The following MECOM variants were observed in gnomAD, a reference collection of about 807,000 sequenced individuals.
The protein encoded by MECOM is MDS1 and EVI1 complex locus.
MECOM carries 13 observed loss-of-function variants against 116.3 expected under a neutral mutation model. The ratio of observed to expected loss-of-function variants is 0.11; its 90% CI spans 0.07 to 0.18. MECOM has a LOEUF of 0.18. Among genes scored for constraint, MECOM ranks in the 10% least tolerant of loss-of-function variants. MECOM has a pLI of 1.00. For synonymous variants in MECOM, 528 were observed against 535.2 expected (o/e 0.99, Z 0.19); for missense variants, 1,299 against 1,509.0 (o/e 0.86, Z 2.31).
rs151292211 is a variant in MECOM, at chr3:169,300,263, T to C, written c.375+80924A>G. Among the ~76,000 whole-genome samples, 686 of 152,290 alleles carry C rather than the reference T, an allele frequency of 4.5e-3. 5 individuals carry two copies. Among genetic ancestry groups the C allele is most frequent in the African/African-American group, 0.016 (645 of 41,562 alleles). ...TAAAGAGAATGCAAGCCACTAAAGA[T>C]TGAATTTCTGCTCTCACAGTAAGAA... is the stretch of plus-strand genomic sequence containing the variant. On this transcript the variant is annotated intron_variant, in intron 2 of 16. Transcript: ENST00000651503.
Position 169,115,436 on chromosome 3 carries a change from A to C in MECOM, c.2436T>G (p.Asp812Glu). The C allele has an allele frequency of 6.2e-7, 1 of 1,614,234 alleles. No individual in the cohort carries two copies. ...GSNVESRPAS[D>E]GSLQHARPTP... ...TGGGTCTTGCATGCTGCAAGGAACC[A>C]TCTGAAGCAGGTCTTGATTCGACGT... Residue 812 changes from aspartate (D) to glutamate (E), a missense_variant, in exon 8 of 17, where the codon GAT (aspartate) becomes GAG (glutamate). Physicochemically the swap from Asp to Glu is conservative, Grantham distance 45. Coordinates refer to ENST00000651503, the MANE Select transcript of MECOM (RefSeq NM_004991.4).
At chr3:169,366,141 A>G (rs1306246175) in intron 2 of MECOM, among the ~76,000 whole-genome samples, 1 of 151,980 alleles carries the variant, frequency 6.6e-6, no homozygotes, top group Non-Finnish European at 1.5e-5. Context: ...GAGGTCTGGA[A>G]TGACCTTCAG....
At chr3:169,619,402 G>C (rs1403219451) in intron 1 of MECOM, among the ~76,000 whole-genome samples, 1 of 152,178 alleles carries the variant, frequency 6.6e-6, no homozygotes, top group African/African-American at 2.4e-5. Flanking sequence ...AGGAAGGAGA[G>C]CCCTGGATGC....
chr3:169,451,351 C>T (rs531874725), intron 1 of MECOM, among the ~76,000 whole-genome samples: 9 of 151,748 alleles, frequency 5.9e-5, no homozygotes, highest in African/African-American at 1.7e-4. Flanking sequence ...ATAAAAAGAA[C>T]TCTACTTGTA....
chr3:169,498,968 G>A (rs1578271122), intron 1 of MECOM, among the ~76,000 whole-genome samples: 1 of 152,030 alleles, frequency 6.6e-6, no homozygotes, highest in South Asian at 2.1e-4. Flanking sequence ...ATGGTCTAAA[G>A]AATAAACTGC....
At chr3:169,451,166 T>G (rs1037419498) in intron 1 of MECOM, among the ~76,000 whole-genome samples, 2 of 152,020 alleles carry the variant, frequency 1.3e-5, no homozygotes, top group African/African-American at 2.4e-5. Context: ...TCTATGCATG[T>G]GTGTGTGAGA....
intron 1 of MECOM, among the ~76,000 whole-genome samples, chr3:169,584,879 A>C (rs1765600108): frequency 6.6e-6 from 1 of 152,216 alleles, no homozygotes; most frequent in Non-Finnish European, 1.5e-5. Flanking sequence ...AAAAGTACTA[A>C]GAGGATGAAA....
chr3:169,602,061 T>C (rs1207130041), intron 1 of MECOM, among the ~76,000 whole-genome samples: 1 of 152,222 alleles, frequency 6.6e-6, no homozygotes, highest in Non-Finnish European at 1.5e-5. Flanking sequence ...AGTATGCTAA[T>C]GCATACTAGT....
At chr3:169,249,636 A>C (rs1279332131) in intron 2 of MECOM, among the ~76,000 whole-genome samples, 1 of 152,230 alleles carries the variant, frequency 6.6e-6, no homozygotes, top group Non-Finnish European at 1.5e-5. Context: ...GATACAGTCT[A>C]GATTGCCTTG....
intron 2 of MECOM, among the ~76,000 whole-genome samples, chr3:169,228,932 C>T (rs1016222706): frequency 1.3e-5 from 2 of 152,202 alleles, no homozygotes; most frequent in African/African-American, 4.8e-5. Context: ...GATATTTTGG[C>T]TCACTGGGTG....
rs181922041 is a variant in MECOM at position 169,147,657 on chromosome 3, C to A, written c.376-3825G>T. ...CAACCAATGGGGAGATCTCGCCAGG[C>A]AGGATTTCTTTCCCCAGGGAAATAG... On this transcript the variant is annotated intron_variant, in intron 2 of 16. Coordinates refer to ENST00000651503, the MANE Select transcript of MECOM (RefSeq NM_004991.4). 2.5e-4 allele frequency: 246 copies of A among 985,416 alleles called. 1 individual carries two copies. The African/African-American group carries it at 4.1e-3, about 16-fold the overall frequency. The allele number at this position is 985,416 out of a possible 1,614,324, so 61.0% of individuals were successfully genotyped here. A position where few individuals can be genotyped will look rare whatever the true frequency, so the allele number is the denominator to read the frequency against.
Position 169,663,471 on chromosome 3 carries a change from C to CCTCTCTCT in MECOM, c.-100_-99insAGAGAGAG. The CCTCTCTCT allele has an allele frequency of 1.9e-6, 2 of 1,034,256 alleles. No individual in the cohort carries two copies. Among genetic ancestry groups the CCTCTCTCT allele is most frequent in the Non-Finnish European group, 2.8e-6 (2 of 716,278 alleles). 64.1% of individuals were successfully genotyped at this position (1,034,256 alleles called of 1,614,324 possible). A position where few individuals can be genotyped will look rare whatever the true frequency, so the allele number is the denominator to read the frequency against. On this transcript the variant is annotated 5_prime_UTR_variant, in exon 1 of 17. Coordinates refer to ENST00000651503, the MANE Select transcript of MECOM (RefSeq NM_004991.4). The stretch of plus-strand genomic sequence containing the variant: ...TCCCTCTCGCTCCCTCCCTCTCTCT[C>CCTCTCTCT]CTGTCTCTCTCTCTCTCTCTCTCTC...
intron 2 of MECOM, among the ~76,000 whole-genome samples, chr3:169,196,819 C>G (rs1005255596): frequency 2.6e-5 from 4 of 151,934 alleles, no homozygotes; most frequent in Admixed American, 6.6e-5. Context: ...TGGGTATATA[C>G]CCAAAGGAAT....
chr3:169,481,782 A>G (rs1751328979), intron 1 of MECOM, among the ~76,000 whole-genome samples: 1 of 152,144 alleles, frequency 6.6e-6, no homozygotes, highest in South Asian at 2.1e-4. Context: ...TACTGCAATG[A>G]CTGCTCCATG....
At chr3:169,570,899 G>C (rs747213243) in intron 1 of MECOM, among the ~76,000 whole-genome samples, 1 of 152,084 alleles carries the variant, frequency 6.6e-6, no homozygotes, top group African/African-American at 2.4e-5. Flanking sequence ...GTGGGCAAAA[G>C]CTGGAAACAT....
chr3:169,099,263 CAAAG>C (rs1287965187), intron 12 of MECOM, among the ~76,000 whole-genome samples: 13 of 151,884 alleles, frequency 8.6e-5, no homozygotes, highest in African/African-American at 2.2e-4. Context: ...AATTTATGTA[CAAAG>C]AAAGAGTAAA....
chr3:169,389,955 G>T (rs898096437), intron 1 of MECOM, among the ~76,000 whole-genome samples: 1 of 152,178 alleles, frequency 6.6e-6, no homozygotes, highest in African/African-American at 2.4e-5. Context: ...GGAAGGTATA[G>T]AGAATATTTT....
intron 5 of MECOM, among the ~76,000 whole-genome samples, chr3:169,126,491 C>CT (rs1298438535): frequency 1.3e-5 from 2 of 151,858 alleles, no homozygotes; most frequent in Non-Finnish European, 2.9e-5. Context: ...CATGCTGTGG[C>CT]TTTTTTATTA....
At chr3:169,305,396 A>T (rs1038324116) in intron 2 of MECOM, among the ~76,000 whole-genome samples, 3 of 152,178 alleles carry the variant, frequency 2.0e-5, no homozygotes, top group African/African-American at 7.2e-5. Context: ...CTAATAAATG[A>T]TTGCCTAATT....
Sources: allele counts gnomAD v4.1 joint callset (sites outside exome capture counted in the v4.1 genomes callset), GRCh38; gene constraint gnomAD v4.1.1; transcripts MANE v1.5; gene names NCBI Gene and HGNC (gene_info 2026-07-23, HGNC 2026-07-21).